CLNK: variants seen among roughly 807,000 people sequenced by gnomAD.
The protein encoded by CLNK is cytokine-dependent hematopoietic cell linker.
CLNK carries 74 observed loss-of-function variants against 68.6 expected under a neutral mutation model. That is an observed-to-expected ratio of 1.08 (90% confidence interval 0.89 to 1.31). CLNK has a LOEUF of 1.31. Ranked by LOEUF, CLNK falls within the 50% of genes most tolerant of loss-of-function variation. The pLI is 0.00. For missense variants in CLNK, 553 were observed against 515.3 expected (o/e 1.07, Z -0.71); for synonymous variants, 198 against 172.2 (o/e 1.15, Z -1.17).
intron 11 of CLNK, among the ~76,000 whole-genome samples, chr4:10,535,405 C>T (rs1366781705): frequency 1.3e-5 from 2 of 152,054 alleles, no homozygotes; most frequent in African/African-American, 4.8e-5. Context: ...GGACAATGAA[C>T]CCTCGATTTC....
chr4:10,520,800 G>A lies in CLNK; in HGVS notation c.763C>T (p.Gln255Ter). 1.2e-6 allele frequency: 2 copies of A among 1,605,948 alleles called. No individual in the cohort carries two copies. Among genetic ancestry groups the A allele is most frequent in the Non-Finnish European group, 1.7e-6 (2 of 1,174,570 alleles). The change falls in exon 15 of 19, where the codon CAA (glutamine) becomes TAA (stop). Residue 255 changes from glutamine (Q) to a stop codon, truncating the protein, a stop_gained. Transcript: ENST00000226951. LOFTEE classifies it high-confidence loss of function. ...CTGAAAGTGCTCTTACCTCTGTTTT[G>A]CACACTGTGGTTGCTTGTCGTGAAT... Reference protein sequence around the residue: ...SSFTTSNHSVQNRDHRGGMQP... With the variant: ...SSFTTSNHSV
chr4:10,710,863 C>T, the CLNK span, among the ~76,000 whole-genome samples: 23 of 152,150 alleles, frequency 1.5e-4, no homozygotes, highest in Non-Finnish European at 2.9e-4. Context: ...TATCACTCCT[C>T]CATAAAAGAC....
chr4:10,621,633 A>G (rs894431884), intron 2 of CLNK, among the ~76,000 whole-genome samples: 1 of 152,206 alleles, frequency 6.6e-6, no homozygotes, highest in Non-Finnish European at 1.5e-5. Context: ...TGTCAGATTT[A>G]TTGTTGTTAT....
intron 17 of CLNK, among the ~76,000 whole-genome samples, chr4:10,504,206 C>T (rs1251253956): frequency 2.0e-5 from 3 of 147,156 alleles, no homozygotes; most frequent in Non-Finnish European, 4.5e-5. Context: ...CTGCAAGCTC[C>T]GCCTCCTGGG....
At chr4:10,584,076 G>A (rs888446563) in intron 4 of CLNK, among the ~76,000 whole-genome samples, 2 of 152,170 alleles carry the variant, frequency 1.3e-5, no homozygotes, top group African/African-American at 2.4e-5. Context: ...TCTTGTTTAG[G>A]CCTGACTGGG....
chr4:10,623,058 T>C (rs1330573907), intron 2 of CLNK, among the ~76,000 whole-genome samples: 2 of 152,188 alleles, frequency 1.3e-5, no homozygotes, highest in African/African-American at 2.4e-5. Flanking sequence ...TATGTCAATT[T>C]GGGGGAAACA....
chr4:10,557,688 C>G (rs958231518), intron 8 of CLNK, among the ~76,000 whole-genome samples: 3 of 152,126 alleles, frequency 2.0e-5, no homozygotes, highest in Non-Finnish European at 2.9e-5. Flanking sequence ...CTGTCTATTC[C>G]CTCTTGGGAC....
chr4:10,633,530 G>T (rs1722968609), intron 2 of CLNK, among the ~76,000 whole-genome samples: 1 of 152,178 alleles, frequency 6.6e-6, no homozygotes, highest in Admixed American at 6.5e-5. Flanking sequence ...ATGGTTTGCA[G>T]GTGAAGAAAA....
chr4:10,733,848 G>T, the CLNK span, among the ~76,000 whole-genome samples: 1 of 152,244 alleles, frequency 6.6e-6, no homozygotes, highest in Non-Finnish European at 1.5e-5. Flanking sequence ...CAGCCCCAGA[G>T]AGTTGACATT....
intron 11 of CLNK, among the ~76,000 whole-genome samples, chr4:10,535,164 G>A (rs1718693573): frequency 6.8e-6 from 1 of 147,314 alleles, no homozygotes; most frequent in South Asian, 2.1e-4. Context: ...GCCTGGACAG[G>A]AGTGTTAGAG....
upstream of CLNK, among the ~76,000 whole-genome samples, chr4:10,688,583 T>C (rs1163981842): frequency 1.3e-5 from 2 of 152,124 alleles, no homozygotes; most frequent in African/African-American, 4.8e-5. Flanking sequence ...ATTGGATAAA[T>C]GTAGATGAGT....
intron 16 of CLNK, among the ~76,000 whole-genome samples, chr4:10,511,367 A>G (rs181377864): frequency 1.3e-5 from 2 of 152,338 alleles, no homozygotes; most frequent in East Asian, 3.9e-4. Flanking sequence ...GCAATAATAT[A>G]ATAAGATTTA....
intron 2 of CLNK, among the ~76,000 whole-genome samples, chr4:10,638,051 G>T (rs1723164330): frequency 6.6e-6 from 1 of 152,178 alleles, no homozygotes; most frequent in Non-Finnish European, 1.5e-5. Flanking sequence ...CCCCCTGCAA[G>T]CCAGTGGCAG....
chr4:10,684,172 G>A (rs1037251664), intron 1 of CLNK, among the ~76,000 whole-genome samples: 2 of 152,142 alleles, frequency 1.3e-5, no homozygotes, highest in African/African-American at 4.8e-5. Context: ...GGATGTCTGC[G>A]TGATTCCAAA....
chr4:10,654,703 C>G (rs943745797), intron 2 of CLNK, among the ~76,000 whole-genome samples: 7 of 151,858 alleles, frequency 4.6e-5, no homozygotes, highest in African/African-American at 1.5e-4. Flanking sequence ...TTTAGGAAGC[C>G]TGTTGTCTGC....
At position 10,621,219 on chromosome 4, in the gene CLNK, G is replaced by GA. The variant is rs568783011; in HGVS notation, c.12-23171_12-23170insT. ...AGCCCAGGACGTTTTTCCACAGTAT[G>GA]TCCTTGAAACGCGATAGAAGTGTCT... On this transcript the variant is annotated intron_variant, in intron 2 of 18. Transcript: ENST00000226951. Among the ~76,000 whole-genome samples, 4 of 152,182 alleles carry GA rather than the reference G, an allele frequency of 2.6e-5. No homozygotes were observed. In the South Asian group the frequency reaches 8.3e-4, roughly 32 times the overall value.
intron 2 of CLNK, among the ~76,000 whole-genome samples, chr4:10,641,690 A>G (rs536971638): frequency 6.6e-6 from 1 of 152,318 alleles, no homozygotes; most frequent in African/African-American, 2.4e-5. Flanking sequence ...ATCATCCATT[A>G]ACTTGGCACT....
intron 17 of CLNK, among the ~76,000 whole-genome samples, chr4:10,506,151 G>A (rs1717283634): frequency 6.6e-6 from 1 of 152,036 alleles, no homozygotes. Context: ...TTTGCTCTTT[G>A]GGATGTTGGT....
At chr4:10,645,787 A>ATTATTTCCCTACT (rs1723484604) in intron 2 of CLNK, among the ~76,000 whole-genome samples, 1 of 152,192 alleles carries the variant, frequency 6.6e-6, no homozygotes, top group Non-Finnish European at 1.5e-5. Context: ...GGGAAATTAG[A>ATTATTTCCCTACT]GTTAACAATA....
Sources: gnomAD v4.1 joint callset for allele counts (sites outside exome capture counted in the v4.1 genomes callset) on GRCh38, gnomAD v4.1.1 for gene constraint, MANE v1.5 for transcripts, NCBI Gene and HGNC (gene_info 2026-07-23, HGNC 2026-07-21) for gene names.